Variants in GPHN observed in about 807,000 individuals in gnomAD.
The protein encoded by GPHN is gephyrin.
In GPHN, 17 loss-of-function variants were observed where a neutral mutation model predicts 95.5. The observed-to-expected ratio is 0.18, with a 90% CI of 0.12 to 0.27. The LOEUF (loss-of-function observed/expected upper bound fraction) is 0.27. GPHN is among the 10% of genes least tolerant of loss of function. The probability of loss-of-function intolerance (pLI) is 1.00; values close to 1 mark genes in which losing one functional copy is unlikely to be tolerated. For synonymous variants in GPHN, 320 were observed against 322.5 expected (o/e 0.99, Z 0.08); for missense variants, 660 against 978.1 (o/e 0.67, Z 4.34).
the GPHN span, among the ~76,000 whole-genome samples, chr14:67,716,967 A>G: frequency 2.6e-5 from 4 of 152,066 alleles, no homozygotes; most frequent in Non-Finnish European, 4.4e-5. Context: ...TACCAGTTTT[A>G]TCACATATAT....
intron 3 of GPHN, among the ~76,000 whole-genome samples, chr14:66,790,285 A>G (rs563245191): frequency 3.3e-4 from 50 of 152,214 alleles, no homozygotes; most frequent in African/African-American, 1.2e-3. Context: ...CATGGAGGAG[A>G]GGTGAATCAA....
intron 5 of GPHN, among the ~76,000 whole-genome samples, chr14:66,899,739 A>C (rs1320251415): frequency 1.3e-5 from 2 of 151,710 alleles, no homozygotes; most frequent in Non-Finnish European, 1.5e-5. Flanking sequence ...TTTTTATACT[A>C]TCTTCATCTG....
chr14:67,352,553 T>C, the GPHN span, among the ~76,000 whole-genome samples: 2,982 of 152,220 alleles, frequency 0.02, 104 homozygotes, highest in African/African-American at 0.066. Context: ...GATTGGGTGA[T>C]CAGGAACAGC....
the GPHN span, among the ~76,000 whole-genome samples, chr14:67,215,644 G>A: frequency 5.3e-5 from 8 of 152,186 alleles, no homozygotes; most frequent in Admixed American, 5.2e-4. Flanking sequence ...CTGCTCAGTG[G>A]AAAACATACC....
chr14:67,586,666 G>A, the GPHN span: 9 of 486,816 alleles, frequency 1.8e-5, no homozygotes, highest in Admixed American at 1.4e-4. Flanking sequence ...CCTGACTCCC[G>A]TGTGATTAAC....
the GPHN span, among the ~76,000 whole-genome samples, chr14:67,212,022 A>C: frequency 6.6e-6 from 1 of 152,164 alleles, no homozygotes; most frequent in Non-Finnish European, 1.5e-5. Flanking sequence ...TGTTTCTTAT[A>C]ATGTAATCTT....
intron 10 of GPHN, among the ~76,000 whole-genome samples, chr14:67,047,362 G>GTTTTTTT (rs374536545): frequency 7.6e-6 from 1 of 130,754 alleles, no homozygotes; most frequent in Non-Finnish European, 1.6e-5. Flanking sequence ...GTGTGTGTGT[G>GTTTTTTT]TTTGTTTTTT....
At chr14:67,127,117 G>A (rs1417213902) in intron 17 of GPHN, among the ~76,000 whole-genome samples, 51 of 132,052 alleles carry the variant, frequency 3.9e-4, no homozygotes, top group African/African-American at 1.3e-3. Context: ...GAGGGGGGAA[G>A]GGGGAGGGAT....
the GPHN span, among the ~76,000 whole-genome samples, chr14:67,626,219 A>C: frequency 1.3e-5 from 2 of 152,006 alleles, no homozygotes; most frequent in Non-Finnish European, 2.9e-5. Context: ...GTACCACTGC[A>C]CTCCAGCCTG....
rs3784074 is a variant in GPHN at position 66,824,436 on chromosome 14, A to G, written c.202-38A>G. 219,565 of 1,123,588 alleles carry G rather than the reference A, an allele frequency of 0.2. 36,035 individuals are homozygous for G. The highest frequency in any genetic ancestry group is 0.7 in the African/African-American group (45,466 of 64,730). The allele number at this position is 1,123,588 out of a possible 1,614,324, so 69.6% of individuals were successfully genotyped here. A position where few individuals can be genotyped will look rare whatever the true frequency, so the allele number is the denominator to read the frequency against. ...TGGGATGTTTTGAGCAAGCAGGCAA[A>G]TTTTTCTGCACATGACTATACTATT... On this transcript the variant is annotated intron_variant, in intron 3 of 22. Transcript: ENST00000478722.
chr14:67,675,915 G>A, the GPHN span, among the ~76,000 whole-genome samples: 2 of 151,894 alleles, frequency 1.3e-5, no homozygotes, highest in East Asian at 3.9e-4. Context: ...GGCCAACATG[G>A]TGAAACCCCC....
intron 10 of GPHN, among the ~76,000 whole-genome samples, chr14:67,047,863 A>G (rs1413804350): frequency 6.6e-6 from 1 of 152,178 alleles, no homozygotes; most frequent in African/African-American, 2.4e-5. Flanking sequence ...CGATGGGGTG[A>G]GACAGGAGGA....
At chr14:67,490,657 G>C in the GPHN span, among the ~76,000 whole-genome samples, 1 of 151,994 alleles carries the variant, frequency 6.6e-6, no homozygotes, top group Admixed American at 6.5e-5. Context: ...TTGAGTCTCT[G>C]CTTCTCTGAC....
chr14:66,910,610 C>T (rs1798557277), intron 5 of GPHN, among the ~76,000 whole-genome samples: 2 of 151,948 alleles, frequency 1.3e-5, no homozygotes, highest in African/African-American at 4.8e-5. Flanking sequence ...ATGTACTTAA[C>T]ATTGTAATTC....
At chr14:66,884,138 A>G (rs932476531) in intron 5 of GPHN, among the ~76,000 whole-genome samples, 1 of 152,102 alleles carries the variant, frequency 6.6e-6, no homozygotes, top group Non-Finnish European at 1.5e-5. Context: ...TTTAGACAAT[A>G]TCGGCTCCTT....
chr14:66,882,976 C>T (rs963065933), intron 5 of GPHN, among the ~76,000 whole-genome samples: 3 of 151,822 alleles, frequency 2.0e-5, no homozygotes, highest in East Asian at 1.9e-4. Flanking sequence ...ATTTCTCTGG[C>T]TGCTTTGAAG....
chr14:66,727,886 AT>A (rs1325729902), intron 2 of GPHN, among the ~76,000 whole-genome samples: 5 of 152,224 alleles, frequency 3.3e-5, no homozygotes, highest in Non-Finnish European at 5.9e-5. Context: ...TTAATCCCCA[AT>A]ACAATGGGGA....
the GPHN span, among the ~76,000 whole-genome samples, chr14:67,687,165 A>C: frequency 8.1e-4 from 124 of 152,284 alleles, 2 homozygotes; most frequent in African/African-American, 2.7e-3. Context: ...TCCACCACCT[A>C]GTCCAAACTA....
the GPHN span, among the ~76,000 whole-genome samples, chr14:67,193,619 A>C: frequency 6.8e-6 from 1 of 146,588 alleles, no homozygotes; most frequent in South Asian, 2.1e-4. Flanking sequence ...ATAGATAGAA[A>C]TATATCTATC....
Sources: gnomAD v4.1 joint callset for allele counts (sites outside exome capture counted in the v4.1 genomes callset) on GRCh38, gnomAD v4.1.1 for gene constraint, MANE v1.5 for transcripts, NCBI Gene and HGNC (gene_info 2026-07-23, HGNC 2026-07-21) for gene names.